Variants in CSMD1 observed in about 807,000 individuals in gnomAD.
The protein encoded by CSMD1 is CUB and sushi domain-containing protein 1.
Under a neutral mutation model 417.5 loss-of-function variants are expected in CSMD1, and 213 were observed. That is an observed-to-expected ratio of 0.51 (90% CI 0.46 to 0.57). The LOEUF (loss-of-function observed/expected upper bound fraction) is 0.57, where lower values mean the gene tolerates loss of function less well. Ranked by LOEUF, CSMD1 falls within the 20% of genes least tolerant of loss-of-function variation. CSMD1 has a pLI of 0.00. For synonymous variants in CSMD1, 2,862 were observed against 1,736.8 expected, an observed-to-expected ratio of 1.65 and a Z score of -16.11; for missense variants, 6,923 against 4,529.7, an observed-to-expected ratio of 1.53 and a Z score of -15.17.
At chr8:4,651,601 A>C (rs1803899756) in intron 1 of CSMD1, among the ~76,000 whole-genome samples, 1 of 152,220 alleles carries the variant, frequency 6.6e-6, no homozygotes, top group African/African-American at 2.4e-5. Context: ...CTGTAAAATG[A>C]GGCCCACATG....
intron 5 of CSMD1, among the ~76,000 whole-genome samples, chr8:3,870,545 G>A (rs1047296758): frequency 2.6e-5 from 4 of 152,102 alleles, no homozygotes; most frequent in African/African-American, 9.7e-5. Flanking sequence ...TTACCCTCCA[G>A]AAATGTCCAG....
intron 68 of CSMD1, 107 bp downstream of exon 68, chr8:2,949,192 T>C: frequency 1.5e-6 from 1 of 649,418 alleles, no homozygotes; most frequent in South Asian, 1.8e-5. Flanking sequence ...TCTCTCATTA[T>C]TTTTGTTTAG....
At chr8:4,600,875 T>C (rs929718370) in intron 2 of CSMD1, among the ~76,000 whole-genome samples, 1 of 152,152 alleles carries the variant, frequency 6.6e-6, no homozygotes, top group African/African-American at 2.4e-5. Flanking sequence ...TATCGCCACA[T>C]TTATACAGAC....
At chr8:3,164,253 G>C (rs990348850) in intron 37 of CSMD1, among the ~76,000 whole-genome samples, 1 of 152,186 alleles carries the variant, frequency 6.6e-6, no homozygotes, top group East Asian at 1.9e-4. Flanking sequence ...CATTGATTCT[G>C]TATAGAATGA....
intron 1 of CSMD1, among the ~76,000 whole-genome samples, chr8:4,896,292 G>C (rs1455356106): frequency 6.6e-6 from 1 of 151,930 alleles, no homozygotes; most frequent in East Asian, 1.9e-4. Flanking sequence ...CGCTAATTAT[G>C]GGTCTCTTTA....
intron 3 of CSMD1, among the ~76,000 whole-genome samples, chr8:4,359,687 C>T (rs1801639780): frequency 6.6e-6 from 1 of 152,148 alleles, no homozygotes; most frequent in South Asian, 2.1e-4. Flanking sequence ...ATCCTCAGCC[C>T]TCTGGGTTTT....
At chr8:3,651,305 C>A (rs1201441755) in intron 7 of CSMD1, among the ~76,000 whole-genome samples, 1 of 152,176 alleles carries the variant, frequency 6.6e-6, no homozygotes, top group Non-Finnish European at 1.5e-5. Flanking sequence ...CAAATCCTTA[C>A]ATTGATTCAT....
chr8:4,149,446 C>T (rs77538571), intron 3 of CSMD1, among the ~76,000 whole-genome samples: 10 of 151,984 alleles, frequency 6.6e-5, no homozygotes, highest in African/African-American at 2.4e-4. Context: ...TACATAAGGG[C>T]CAATAAAAGG....
At chr8:4,180,682 G>A (rs796123616) in intron 3 of CSMD1, among the ~76,000 whole-genome samples, 1 of 152,028 alleles carries the variant, frequency 6.6e-6, no homozygotes, top group African/African-American at 2.4e-5. Flanking sequence ...CATATGAAAG[G>A]CAAGGTAGCT....
intron 26 of CSMD1, chr8:3,278,401 T>C (rs1802472426): frequency 6.6e-6 from 1 of 152,206 alleles, no homozygotes; most frequent in Non-Finnish European, 1.5e-5. Flanking sequence ...CTCTAATGCT[T>C]ATTTCACATG....
At chr8:3,665,281 G>A (rs112584807) in intron 7 of CSMD1, among the ~76,000 whole-genome samples, 3 of 152,152 alleles carry the variant, frequency 2.0e-5, no homozygotes, top group South Asian at 2.1e-4. Context: ...TGTAATCCCA[G>A]CACTTTAGGA....
chr8:3,624,776 AT>A (rs1176641673), intron 7 of CSMD1, among the ~76,000 whole-genome samples: 5 of 152,216 alleles, frequency 3.3e-5, no homozygotes, highest in Middle Eastern at 3.2e-3. Context: ...AGTTTGAAAT[AT>A]GTCAACAATG....
intron 5 of CSMD1, among the ~76,000 whole-genome samples, chr8:3,891,204 C>G (rs1348764121): frequency 6.6e-6 from 1 of 151,998 alleles, no homozygotes; most frequent in African/African-American, 2.4e-5. Context: ...TGCCATCATG[C>G]CTGGCTAATA....
intron 57 of CSMD1, among the ~76,000 whole-genome samples, chr8:2,972,173 A>C (rs539506949): frequency 6.6e-6 from 1 of 152,192 alleles, no homozygotes; most frequent in East Asian, 1.9e-4. Flanking sequence ...CATTATTTCT[A>C]TTTACCTATA....
chr8:4,285,024 T>C (rs1796986173), intron 3 of CSMD1, among the ~76,000 whole-genome samples: 1 of 152,154 alleles, frequency 6.6e-6, no homozygotes, highest in Admixed American at 6.5e-5. Context: ...AATAATGGTG[T>C]CCACACCATA....
intron 2 of CSMD1, among the ~76,000 whole-genome samples, chr8:4,470,373 C>A (rs1318920562): frequency 6.6e-6 from 1 of 152,214 alleles, no homozygotes; most frequent in Non-Finnish European, 1.5e-5. Context: ...CTTCCTCTCT[C>A]TTCCCTCTTA....
At chr8:4,123,140 A>G (rs957935937) in intron 3 of CSMD1, among the ~76,000 whole-genome samples, 4 of 152,236 alleles carry the variant, frequency 2.6e-5, no homozygotes, top group Non-Finnish European at 5.9e-5. Flanking sequence ...GAAGATGAAG[A>G]ATATTTAGGC....
intron 3 of CSMD1, among the ~76,000 whole-genome samples, chr8:4,235,099 A>G (rs767285379): frequency 2.6e-5 from 4 of 152,180 alleles, no homozygotes; most frequent in Non-Finnish European, 5.9e-5. Context: ...CTTCAAGAAT[A>G]GAAAAATTAT....
At chr8:4,954,443 C>A (rs1808954097) in intron 1 of CSMD1, among the ~76,000 whole-genome samples, 1 of 152,158 alleles carries the variant, frequency 6.6e-6, no homozygotes, top group African/African-American at 2.4e-5. Flanking sequence ...AATTGTATAG[C>A]TGACACCATT....
Sources: allele counts gnomAD v4.1 joint callset (sites outside exome capture counted in the v4.1 genomes callset), GRCh38; gene constraint gnomAD v4.1.1; transcripts MANE v1.5; gene names NCBI Gene and HGNC (gene_info 2026-07-23, HGNC 2026-07-21).